The following AXL variants were observed in gnomAD, a reference collection of about 807,000 sequenced individuals.
The protein encoded by AXL is tyrosine-protein kinase receptor UFO.
Under a neutral mutation model 104.5 loss-of-function variants are expected in AXL, and 52 were observed. The observed-to-expected ratio is 0.50, with a 90% CI of 0.40 to 0.63. The LOEUF (loss-of-function observed/expected upper bound fraction) is 0.63, where lower values mean the gene tolerates loss of function less well. Among genes scored for constraint, AXL ranks in the 20% least tolerant of loss-of-function variants. The pLI, the probability that AXL is intolerant of heterozygous loss-of-function variation, is 0.00. For missense variants in AXL, 1,024 were observed against 1,188.5 expected, an observed-to-expected ratio of 0.86 and a Z score of 2.04; for synonymous variants, 455 against 473.7, an observed-to-expected ratio of 0.96 and a Z score of 0.51.
At chr19:41,232,504 T>C (rs1292099976) in intron 6 of AXL, among the ~76,000 whole-genome samples, 2 of 151,752 alleles carry the variant, frequency 1.3e-5, no homozygotes, top group Non-Finnish European at 2.9e-5. Context: ...ACACCTGTAA[T>C]CCCAGCTACT....
rs772598456 is a variant in AXL at position 41,239,294 on chromosome 19, C to T, written c.1265C>T (p.Pro422Leu). 4.4e-6 allele frequency: 7 copies of T among 1,586,928 alleles called. No individual in the cohort carries two copies. Among genetic ancestry groups the T allele is most frequent in the South Asian group, 2.3e-5 (2 of 86,696 alleles). Reference protein sequence around the residue: ...AGDGPWSLPVPLEAWRPGQAQ... With the variant: ...AGDGPWSLPVLLEAWRPGQAQ... Reference sequence around the variant, plus strand: ...GATGGACCCTGGAGCCTCCCAGTACCCCTGGAGGCCTGGCGCCCAGGTAAG... The same window carrying T: ...GATGGACCCTGGAGCCTCCCAGTACTCCTGGAGGCCTGGCGCCCAGGTAAG... The change falls in exon 9 of 20, where the codon CCC becomes CTC. Residue 422 changes from proline (P) to leucine (L), a missense_variant. Pro to Leu is a moderately conservative substitution (Grantham distance 98). This residue lies in a region of AXL where 523 missense variants were observed against 636.0 expected (regional missense o/e 0.82). Transcript: ENST00000301178.
chr19:41,237,357 CG>C (rs1465694071), intron 6 of AXL, among the ~76,000 whole-genome samples: 1 of 152,134 alleles, frequency 6.6e-6, no homozygotes, highest in African/African-American at 2.4e-5. Flanking sequence ...GTTCTCCTAT[CG>C]CAGCCTCCCG....
rs139134087 is a variant in AXL at position 41,256,465 on chromosome 19, A to G, written c.2050A>G (p.Met684Val). The G allele has an allele frequency of 1.2e-6, 2 of 1,613,796 alleles. No individual in the cohort carries two copies. Among genetic ancestry groups the G allele is most frequent in the Admixed American group, 3.3e-5 (2 of 60,020 alleles). Residue 684 changes from methionine to valine, a missense_variant, in exon 18 of 20, where the codon ATG becomes GTG. Transcript: ENST00000301178. ...CAATCCAAACAGGCTGAATGAGAAC[A>G]TGTCCGTGTGTGTGGCGGACTTCGG... is the stretch of plus-strand genomic sequence containing the variant. ...AARNCMLNENMSVCVADFGLS... is the reference protein window; with the variant it reads ...AARNCMLNENVSVCVADFGLS...
intron 14 of AXL, among the ~76,000 whole-genome samples, chr19:41,250,594 C>T (rs2034346114): frequency 1.3e-5 from 2 of 152,266 alleles, no homozygotes; most frequent in South Asian, 2.1e-4. Flanking sequence ...AGGTGTGCGC[C>T]ACCACGCCCA....
intron 4 of AXL, among the ~76,000 whole-genome samples, chr19:41,229,285 A>G (rs1434344949): frequency 6.7e-6 from 1 of 149,546 alleles, no homozygotes; most frequent in African/African-American, 2.5e-5. Context: ...TTTTTTTGAG[A>G]CAGGGTCTCA....
At chr19:41,259,458 C>A in intron 19 of AXL, 95 bp from the exon 20 acceptor site, 2 of 1,074,794 alleles carry the variant, frequency 1.9e-6, no homozygotes, top group Non-Finnish European at 2.7e-6. Flanking sequence ...AAAATGCCCC[C>A]AGTCCCCTGA....
At chr19:41,235,916 G>A (rs913340548) in intron 6 of AXL, among the ~76,000 whole-genome samples, 4 of 152,154 alleles carry the variant, frequency 2.6e-5, no homozygotes, top group African/African-American at 9.7e-5. Context: ...ATATAACATA[G>A]TCAGGTGAGG....
intron 12 of AXL, chr19:41,244,004 G>A: frequency 6.8e-6 from 2 of 294,848 alleles, no homozygotes; most frequent in Non-Finnish European, 1.3e-5. Context: ...CCAGGAGTTC[G>A]AGAACAGCCT....
chr19:41,250,977 G>C (rs773810795), intron 14 of AXL, among the ~76,000 whole-genome samples: 18 of 152,078 alleles, frequency 1.2e-4, no homozygotes, highest in Admixed American at 1.3e-4. Context: ...TACTTGTTTG[G>C]GTCCCCAGGG....
intron 10 of AXL, among the ~76,000 whole-genome samples, chr19:41,240,350 G>A (rs958378895): frequency 6.6e-6 from 1 of 151,216 alleles, no homozygotes; most frequent in East Asian, 1.9e-4. Flanking sequence ...ACTGGGTGGT[G>A]AGTGGATATA....
At chr19:41,221,773 C>A in intron 3 of AXL, 107 bp from the exon 4 acceptor site, 1 of 1,245,052 alleles carries the variant, frequency 8.0e-7, no homozygotes, top group Non-Finnish European at 1.1e-6. Context: ...AAGTCAATGA[C>A]CCTGCAGGGT....
At position 41,220,661 on chromosome 19, in the gene AXL, C is replaced by T. The variant is rs1175570418; in HGVS notation, c.111C>T (p.Phe37=). Reference sequence around the variant, plus strand: ...GCACGCAGGCTGAAGAAAGTCCCTTCGTGGGCAACCCAGGGAATATCACAG... The same window carrying T: ...GCACGCAGGCTGAAGAAAGTCCCTTTGTGGGCAACCCAGGGAATATCACAG... ...PRGTQAEESP[F]VGNPGNITGA... Residue 37 remains phenylalanine (F), a synonymous_variant, in exon 2 of 20, where the codon TTC becomes TTT. Coordinates refer to ENST00000301178, the MANE Select transcript of AXL (RefSeq NM_021913.5). 1.4e-5 allele frequency: 22 copies of T among 1,595,986 alleles called. No homozygotes were observed. Among genetic ancestry groups the T allele is most frequent in the African/African-American group, 8.1e-5 (6 of 74,412 alleles).
chr19:41,240,938 C>T (rs2034171087), intron 10 of AXL, among the ~76,000 whole-genome samples: 1 of 152,090 alleles, frequency 6.6e-6, no homozygotes, highest in African/African-American at 2.4e-5. Context: ...TCACCCTGAA[C>T]CCCTTGCATA....
chr19:41,221,458 G>A (rs1294185310), intron 3 of AXL: 5 of 547,068 alleles, frequency 9.1e-6, no homozygotes, highest in Non-Finnish European at 1.3e-5. Flanking sequence ...GGGATTATAT[G>A]TTCTGGGTGA....
Position 41,230,985 on chromosome 19 carries a change from C to G in AXL, c.605C>G (p.Ser202Cys), listed in dbSNP as rs755470829. 134 of 1,613,832 alleles carry G rather than the reference C, an allele frequency of 8.3e-5. No individual in the cohort carries two copies. The highest frequency in any genetic ancestry group is 1.1e-4 in the Non-Finnish European group (133 of 1,179,918). The change falls in exon 5 of 20, where the codon TCT becomes TGT. Residue 202 changes from serine to cysteine, a missense_variant. Physicochemically the swap from Ser to Cys is moderately radical, Grantham distance 112. Around this residue, in one of 5 missense-constraint regions of AXL, gnomAD observed 332 missense variants for 343.9 expected, o/e 0.97. Coordinates refer to ENST00000301178, the MANE Select transcript of AXL (RefSeq NM_021913.5). ...LHVPGLNKTS[S>C]FSCEAHNAKG... The stretch of plus-strand genomic sequence containing the variant: ...TCCCTAGGGCTGAACAAGACATCCT[C>G]TTTCTCCTGCGAAGCCCATAACGCC...
intron 12 of AXL, among the ~76,000 whole-genome samples, chr19:41,246,618 G>A (rs745668540): frequency 2.6e-5 from 4 of 152,056 alleles, no homozygotes; most frequent in Non-Finnish European, 5.9e-5. Flanking sequence ...AGGAGGGTGA[G>A]GCAGGGGAAT....
In AXL at chr19:41,225,774, C is replaced by T. The variant is rs377089807; in HGVS notation, c.586+3718C>T. On this transcript the variant is annotated intron_variant, in intron 4 of 19. Transcript: ENST00000301178. ...GCATATCTGTGTGCCGTTAACTTAC[C>T]AAGCGCTGCGTCTTCTGTGCTAATA... Among the ~76,000 whole-genome samples the T allele has an allele frequency of 1.4e-4, 22 of 152,184 alleles. No individual in the cohort carries two copies. In the South Asian group the frequency reaches 2.7e-3, roughly 19 times the overall value.
chr19:41,242,141 C>T (rs2034192603), intron 10 of AXL, among the ~76,000 whole-genome samples: 1 of 151,986 alleles, frequency 6.6e-6, no homozygotes, highest in Admixed American at 6.6e-5. Context: ...CCATTCCACA[C>T]TCACTGCACA....
intron 4 of AXL, among the ~76,000 whole-genome samples, chr19:41,225,151 G>T (rs145016707): frequency 6.6e-5 from 10 of 152,124 alleles, no homozygotes; most frequent in Non-Finnish European, 1.3e-4. Flanking sequence ...TTACAGGCAC[G>T]CCTGGCTTAT....
Sources: allele counts gnomAD v4.1 joint callset (sites outside exome capture counted in the v4.1 genomes callset), GRCh38; gene constraint gnomAD v4.1.1; regional missense constraint gnomAD v4.1.1; transcripts MANE v1.5; gene names NCBI Gene and HGNC (gene_info 2026-07-23, HGNC 2026-07-21).